Variants in SMARCC1 observed in about 807,000 individuals in gnomAD.
The protein encoded by SMARCC1 is SWI/SNF complex subunit SMARCC1.
Under a neutral mutation model 147.4 loss-of-function variants are expected in SMARCC1, and 43 were observed. The observed-to-expected ratio is 0.29, with a 90% CI of 0.23 to 0.38. SMARCC1 has a LOEUF of 0.38. Among genes scored for constraint, SMARCC1 ranks in the 10% least tolerant of loss-of-function variants. The probability of loss-of-function intolerance (pLI) is 1.00; values close to 1 mark genes in which losing one functional copy is unlikely to be tolerated. For missense variants in SMARCC1, 1,119 were observed against 1,381.1 expected (o/e 0.81, Z 3.01); for synonymous variants, 495 against 484.4 (o/e 1.02, Z -0.29).
At chr3:47,679,925 T>C (rs1405533862) in intron 15 of SMARCC1, among the ~76,000 whole-genome samples, 2 of 150,870 alleles carry the variant, frequency 1.3e-5, no homozygotes, top group South Asian at 2.1e-4. Context: ...GAATTCATTA[T>C]AGTAAAAATT....
At position 47,767,237 on chromosome 3, in the gene SMARCC1, C is replaced by T. The variant is rs1333244230; in HGVS notation, c.315+5580G>A. Among the ~76,000 whole-genome samples, 14 of 140,926 alleles carry T rather than the reference C, an allele frequency of 9.9e-5. 1 individual carries two copies. Among genetic ancestry groups the T allele is most frequent in the Admixed American group, 9.9e-4 (14 of 14,142 alleles). The allele number at this position is 140,926 out of a possible 152,430, so 92.5% of individuals were successfully genotyped here. On this transcript the variant is annotated intron_variant, in intron 2 of 27. Transcript: ENST00000254480. ...GTTCCACTCTGATTTTTTTCTTTTCCTTTTTCTCTTTTTTTTTTTGAGATG... is the reference window on the plus strand; with the variant it reads ...GTTCCACTCTGATTTTTTTCTTTTCTTTTTTCTCTTTTTTTTTTTGAGATG...
intron 15 of SMARCC1, among the ~76,000 whole-genome samples, chr3:47,679,779 T>C (rs1323916380): frequency 1.3e-5 from 2 of 150,824 alleles, no homozygotes; most frequent in Non-Finnish European, 2.9e-5. Flanking sequence ...GGAGAATAGC[T>C]TGAACCCAGG....
rs895156776 is a variant in SMARCC1, at chr3:47,588,457, G to A, written c.3221-151C>T. On this transcript the variant is annotated intron_variant, in intron 27 of 27. Transcript: ENST00000254480. ...AGGCATTGATTCCACTGTGGTCTATGCAAGTCAATTCCTTCTGAACCTCTA... is the reference window on the plus strand; with the variant it reads ...AGGCATTGATTCCACTGTGGTCTATACAAGTCAATTCCTTCTGAACCTCTA... The A allele has an allele frequency of 6.8e-5, 47 of 695,288 alleles. 1 individual carries two copies. In the South Asian group the frequency reaches 8.2e-4, roughly 12 times the overall value. 43.1% of individuals were successfully genotyped at this position (695,288 alleles called of 1,614,324 possible). A position where few individuals can be genotyped will look rare whatever the true frequency, so the allele number is the denominator to read the frequency against.
At chr3:47,719,878 G>A (rs1209808101) in intron 7 of SMARCC1, among the ~76,000 whole-genome samples, 1 of 152,088 alleles carries the variant, frequency 6.6e-6, no homozygotes, top group African/African-American at 2.4e-5. Context: ...TGGGATTACA[G>A]GCGTGCGCTA....
chr3:47,675,659 T>C (rs2033559998), intron 17 of SMARCC1, 71 bp from the exon 18 acceptor site: 3 of 858,544 alleles, frequency 3.5e-6, no homozygotes, highest in South Asian at 1.4e-5. Flanking sequence ...TTTTAAAAAT[T>C]TGTTTGGGCC....
At chr3:47,588,819 TG>T (rs979951334) in intron 27 of SMARCC1, among the ~76,000 whole-genome samples, 3 of 150,928 alleles carry the variant, frequency 2.0e-5, no homozygotes, top group Non-Finnish European at 2.9e-5. Context: ...AGGCAGTTGC[TG>T]ACAAACTGGA....
At chr3:47,753,814 T>C (rs1245199249) in intron 2 of SMARCC1, among the ~76,000 whole-genome samples, 1 of 151,584 alleles carries the variant, frequency 6.6e-6, no homozygotes, top group Admixed American at 6.6e-5. Context: ...TATGTTTAGG[T>C]CTATCAGTCA....
rs546659321 is a variant in SMARCC1, at chr3:47,726,061, C to CAAAAAAAAAAAAAAAAAA, written c.646+2946_646+2963dup. On this transcript the variant is annotated intron_variant, in intron 6 of 27. Transcript: ENST00000254480. ...TGGGTAGAAGAGTGAGACTCTGTCT[C>CAAAAAAAAAAAAAAAAAA]AAAAAAAAAAAAAAAAAAAAGGTGA... Among the ~76,000 whole-genome samples, 78 of 50,784 alleles carry CAAAAAAAAAAAAAAAAAA rather than the reference C, an allele frequency of 1.5e-3. 13 individuals are homozygous for CAAAAAAAAAAAAAAAAAA. Among genetic ancestry groups the CAAAAAAAAAAAAAAAAAA allele is most frequent in the Non-Finnish European group, 2.0e-3 (58 of 28,952 alleles). 33.3% of individuals were successfully genotyped at this position (50,784 alleles called of 152,430 possible). A position where few individuals can be genotyped will look rare whatever the true frequency, so the allele number is the denominator to read the frequency against.
At chr3:47,776,539 G>C (rs2034977364) in intron 1 of SMARCC1, among the ~76,000 whole-genome samples, 1 of 151,948 alleles carries the variant, frequency 6.6e-6, no homozygotes, top group South Asian at 2.1e-4. Context: ...AGGAGACAGA[G>C]GTTGCAGCAA....
intron 25 of SMARCC1, among the ~76,000 whole-genome samples, chr3:47,613,452 CG>C (rs1322974143): frequency 6.6e-6 from 1 of 150,864 alleles, no homozygotes; most frequent in East Asian, 1.9e-4. Flanking sequence ...GGTCGCCTTC[CG>C]GGTTCAAGCA....
intron 3 of SMARCC1, among the ~76,000 whole-genome samples, chr3:47,743,572 G>A (rs1416099279): frequency 1.3e-5 from 2 of 151,894 alleles, no homozygotes; most frequent in East Asian, 3.9e-4. Flanking sequence ...CCAGCATTTT[G>A]GGAGGCCGAG....
At chr3:47,650,072 C>T (rs1197645062) in intron 21 of SMARCC1, among the ~76,000 whole-genome samples, 1 of 151,310 alleles carries the variant, frequency 6.6e-6, no homozygotes, top group African/African-American at 2.4e-5. Flanking sequence ...GTCAGGAGAT[C>T]GAGATCATCC....
At chr3:47,666,030 T>C (rs2033416359) in intron 19 of SMARCC1, among the ~76,000 whole-genome samples, 1 of 152,192 alleles carries the variant, frequency 6.6e-6, no homozygotes, top group South Asian at 2.1e-4. Context: ...TAAAACACTC[T>C]TTCTCTCCTG....
intron 3 of SMARCC1, among the ~76,000 whole-genome samples, chr3:47,742,843 A>G (rs1049170364): frequency 2.6e-5 from 4 of 152,232 alleles, no homozygotes; most frequent in Non-Finnish European, 4.4e-5. Flanking sequence ...TCAGCCTCCC[A>G]AAGTGCTGGG....
intron 27 of SMARCC1, among the ~76,000 whole-genome samples, chr3:47,589,052 C>T (rs1186882778): frequency 6.6e-6 from 1 of 152,212 alleles, no homozygotes; most frequent in Non-Finnish European, 1.5e-5. Context: ...TAAAGTGCAG[C>T]ATTGCTCACC....
chr3:47,758,955 G>A (rs1246117528), intron 2 of SMARCC1, among the ~76,000 whole-genome samples: 1 of 151,514 alleles, frequency 6.6e-6, no homozygotes. Context: ...AGGCGGTGGT[G>A]GCGGTGAGCT....
intron 1 of SMARCC1, among the ~76,000 whole-genome samples, chr3:47,778,585 G>A (rs1356346969): frequency 3.9e-5 from 6 of 152,042 alleles, no homozygotes; most frequent in Admixed American, 3.9e-4. Flanking sequence ...CCCAAGTGCT[G>A]GGATTACGGA....
At chr3:47,712,459 A>G (rs1327522469) in intron 8 of SMARCC1, among the ~76,000 whole-genome samples, 1 of 152,146 alleles carries the variant, frequency 6.6e-6, no homozygotes, top group Admixed American at 6.5e-5. Context: ...TAATCCTTTA[A>G]CTACTGAGAA....
At chr3:47,604,079 C>T (rs189596613) in intron 26 of SMARCC1, 8 of 456,724 alleles carry the variant, frequency 1.8e-5, no homozygotes, top group East Asian at 6.9e-5. Flanking sequence ...ACAGAGGTAT[C>T]GGTACAAACT....
Sources: allele counts gnomAD v4.1 joint callset (sites outside exome capture counted in the v4.1 genomes callset), GRCh38; gene constraint gnomAD v4.1.1; transcripts MANE v1.5; gene names NCBI Gene and HGNC (gene_info 2026-07-23, HGNC 2026-07-21).